Variants in HTR2A observed in about 807,000 individuals in gnomAD.
HTR2A encodes 5-HT2 receptor.
In HTR2A, 14 loss-of-function variants were observed where a neutral mutation model predicts 31.0. The observed-to-expected ratio is 0.45, with a 90% confidence interval of 0.30 to 0.71. HTR2A has a LOEUF of 0.71. Among genes scored for constraint, HTR2A ranks in the 30% least tolerant of loss-of-function variants. The pLI is 0.09. For synonymous variants in HTR2A, 209 were observed against 225.2 expected (o/e 0.93, Z 0.64); for missense variants, 442 against 573.3 (o/e 0.77, Z 2.34).
intron 3 of HTR2A, among the ~76,000 whole-genome samples, chr13:46,866,729 C>T (rs144287428): frequency 2.6e-5 from 4 of 152,278 alleles, no homozygotes; most frequent in African/African-American, 9.6e-5. Flanking sequence ...CATAACACAT[C>T]AGAAGGTAAT....
At chr13:46,861,948 T>G (rs904429377) in intron 3 of HTR2A, among the ~76,000 whole-genome samples, 4 of 152,214 alleles carry the variant, frequency 2.6e-5, no homozygotes, top group Admixed American at 2.6e-4. Context: ...GAATATTGGA[T>G]GCACATGGAG....
rs757284317 is a variant in HTR2A, at chr13:46,832,951, A to G, written c.*1886T>C. Reference sequence around the variant, plus strand: ...AGTGTTATAATATCAAGGTGGATTAACTGTTGTTAATCTCTTTTTCTCTTT... The same window carrying G: ...AGTGTTATAATATCAAGGTGGATTAGCTGTTGTTAATCTCTTTTTCTCTTT... On this transcript the variant is annotated 3_prime_UTR_variant, in exon 4 of 4. Coordinates refer to ENST00000542664, the MANE Select transcript of HTR2A (RefSeq NM_000621.5). The G allele has an allele frequency of 9.2e-5, 14 of 152,330 alleles. No homozygotes were observed. Among genetic ancestry groups the G allele is most frequent in the Non-Finnish European group, 1.6e-4 (11 of 68,022 alleles). 9.4% of individuals were successfully genotyped at this position (152,330 alleles called of 1,614,324 possible).
rs762219821 is a variant in HTR2A at position 46,831,763 on chromosome 13, G to T, written c.*3074C>A. The T allele has an allele frequency of 6.6e-6, 1 of 152,214 alleles. No individual in the cohort carries two copies. Among genetic ancestry groups the T allele is most frequent in the Admixed American group, 6.5e-5 (1 of 15,274 alleles). The allele number at this position is 152,214 out of a possible 1,614,324, so 9.4% of individuals were successfully genotyped here. ...AGTGACTTAGTTCAATTTGGCTACGGTAGCACTTTAAAAAATTACCATGAG... is the reference window on the plus strand; with the variant it reads ...AGTGACTTAGTTCAATTTGGCTACGTTAGCACTTTAAAAAATTACCATGAG... On this transcript the variant is annotated 3_prime_UTR_variant, in exon 4 of 4. Coordinates refer to ENST00000542664, the MANE Select transcript of HTR2A (RefSeq NM_000621.5).
chr13:46,861,703 A>C (rs1164156546), intron 3 of HTR2A, among the ~76,000 whole-genome samples: 1 of 152,240 alleles, frequency 6.6e-6, no homozygotes, highest in Non-Finnish European at 1.5e-5. Flanking sequence ...TGTCAGGACA[A>C]AAGTTTTGAG....
intron 3 of HTR2A, among the ~76,000 whole-genome samples, chr13:46,891,793 G>A (rs1446609144): frequency 6.6e-6 from 1 of 152,158 alleles, no homozygotes; most frequent in African/African-American, 2.4e-5. Flanking sequence ...GATCAATACT[G>A]GCGAGAGATG....
intron 3 of HTR2A, among the ~76,000 whole-genome samples, chr13:46,877,016 C>A (rs1223495249): frequency 6.6e-6 from 1 of 152,182 alleles, no homozygotes; most frequent in Non-Finnish European, 1.5e-5. Context: ...AGAGTGCAAT[C>A]ATCTCTGGAT....
intron 3 of HTR2A, among the ~76,000 whole-genome samples, chr13:46,867,487 G>C (rs1950827127): frequency 6.6e-6 from 1 of 152,200 alleles, no homozygotes; most frequent in South Asian, 2.1e-4. Flanking sequence ...TGGTGCATAT[G>C]TGTATGTAAT....
chr13:46,895,797 G>A lies in HTR2A; in HGVS notation c.110C>T (p.Ala37Val), dbSNP rs1175309453. ...LYSNDFNSGE[A>V]NTSDAFNWTV... is the part of the protein sequence containing the mutation. ...CCAGTTAAATGCATCAGAAGTGTTAGCTTCTCCGGAGTTAAAGTCATTACT... is the reference window on the plus strand; with the variant it reads ...CCAGTTAAATGCATCAGAAGTGTTAACTTCTCCGGAGTTAAAGTCATTACT... The change falls in exon 2 of 4, where the codon GCT (alanine) becomes GTT (valine). Residue 37 changes from alanine (A) to valine (V), a missense_variant. Physicochemically the swap from Ala to Val is moderately conservative, Grantham distance 64 (BLOSUM62 0). Around this residue, in one of 5 missense-constraint regions of HTR2A, gnomAD observed 83 missense variants for 84.8 expected, o/e 0.98. Coordinates refer to ENST00000542664, the MANE Select transcript of HTR2A (RefSeq NM_000621.5). The surrounding 1 kb of genome is among the most constrained non-coding windows in gnomAD (Gnocchi z 4.4). 2.5e-6 allele frequency: 4 copies of A among 1,614,004 alleles called. No individual in the cohort carries two copies. Among genetic ancestry groups the A allele is most frequent in the South Asian group, 2.2e-5 (2 of 91,078 alleles).
chr13:46,859,811 C>T (rs1013065348), intron 3 of HTR2A, among the ~76,000 whole-genome samples: 1 of 152,170 alleles, frequency 6.6e-6, no homozygotes, highest in Non-Finnish European at 1.5e-5. Context: ...TACGGCAATG[C>T]AAGAGTGGAC....
At chr13:46,848,538 T>C (rs1950660431) in intron 3 of HTR2A, among the ~76,000 whole-genome samples, 1 of 152,230 alleles carries the variant, frequency 6.6e-6, no homozygotes, top group South Asian at 2.1e-4. Context: ...ACAGACACTA[T>C]GTAGGTCTTC....
rs573879106 is a variant in HTR2A at position 46,840,950 on chromosome 13, G to A, written c.614-5311C>T. 4.5e-4 allele frequency among the ~76,000 whole-genome samples: 69 copies of A among 152,134 alleles called. 1 individual carries two copies. Among genetic ancestry groups the A allele is most frequent in the Non-Finnish European group, 7.9e-4 (54 of 68,000 alleles). ...GTAATCCTCATAATCCCCACATGTC[G>A]GGACAGGGACCTGGTGGGAGGTGAT... On this transcript the variant is annotated intron_variant, in intron 3 of 3. Transcript: ENST00000542664.
Position 46,835,533 on chromosome 13 carries a change from A to C in HTR2A, c.720T>G (p.Phe240Leu). The C allele has an allele frequency of 1.2e-6, 2 of 1,614,106 alleles. No homozygotes were observed. Among genetic ancestry groups the C allele is most frequent in the Non-Finnish European group, 1.7e-6 (2 of 1,179,970 alleles). The change falls in exon 4 of 4, where the codon TTT (phenylalanine) becomes TTG (leucine). Residue 240 changes from phenylalanine to leucine, a missense_variant. By Grantham distance (22) the Phe-to-Leu change is conservative. Coordinates refer to ENST00000542664, the MANE Select transcript of HTR2A (RefSeq NM_000621.5). ...TGGTTAAGGGAATGAAAAATGACAC[A>C]AAAGAGCCGATCAGGACAAAGTTAT... ...ADDNFVLIGSFVSFFIPLTIM... is the reference protein window; with the variant it reads ...ADDNFVLIGSLVSFFIPLTIM...
At chr13:46,883,871 T>C (rs982910105) in intron 3 of HTR2A, among the ~76,000 whole-genome samples, 18 of 152,178 alleles carry the variant, frequency 1.2e-4, no homozygotes, top group African/African-American at 4.3e-4. Context: ...GAAAACACAA[T>C]GATTTGCAAT....
chr13:46,833,379 T>G lies in HTR2A; in HGVS notation c.*1458A>C, dbSNP rs1188513694. 6.6e-6 allele frequency: 1 copy of G among 151,272 alleles called. No homozygotes were observed. The highest frequency in any genetic ancestry group is 1.9e-4 in the East Asian group (1 of 5,182). 9.4% of individuals were successfully genotyped at this position (151,272 alleles called of 1,614,324 possible). On this transcript the variant is annotated 3_prime_UTR_variant, in exon 4 of 4. Transcript: ENST00000542664. ...TTCTTTTTTTCTTTCTTTTTTTTTG[T>G]GATAGGGTCTCACTCTGTTGCCCAG...
At chr13:46,851,335 C>G (rs375904936) in intron 3 of HTR2A, among the ~76,000 whole-genome samples, 1 of 152,056 alleles carries the variant, frequency 6.6e-6, no homozygotes, top group Admixed American at 6.5e-5. Context: ...TAAGAAAATG[C>G]AGGAAAAAGA....
At chr13:46,858,846 C>A (rs1950758677) in intron 3 of HTR2A, among the ~76,000 whole-genome samples, 1 of 152,060 alleles carries the variant, frequency 6.6e-6, no homozygotes, top group Non-Finnish European at 1.5e-5. Flanking sequence ...ATGGGCACTA[C>A]CCATCTCAGA....
intron 3 of HTR2A, among the ~76,000 whole-genome samples, chr13:46,877,825 C>T (rs1950927408): frequency 6.6e-6 from 1 of 151,674 alleles, no homozygotes; most frequent in Non-Finnish European, 1.5e-5. Flanking sequence ...GAGGTGATGC[C>T]AAAATCATAG....
rs544505018 is a variant in HTR2A, at chr13:46,834,685, G to A, written c.*152C>T. The A allele has an allele frequency of 7.3e-5, 44 of 601,336 alleles. No homozygotes were observed. Among genetic ancestry groups the A allele is most frequent in the Non-Finnish European group, 1.0e-4 (35 of 350,000 alleles). 37.3% of individuals were successfully genotyped at this position (601,336 alleles called of 1,614,324 possible). On this transcript the variant is annotated 3_prime_UTR_variant, in exon 4 of 4. Transcript: ENST00000542664. ...CACACATTTTGTAGCATTGAACCCC[G>A]CTTTTCATTGACAGAATAAAATGAG...
In HTR2A at chr13:46,886,958, C is replaced by T. The variant is rs377111437; in HGVS notation, c.613+5432G>A. 3.3e-5 allele frequency among the ~76,000 whole-genome samples: 5 copies of T among 152,318 alleles called. No homozygotes were observed. The East Asian group carries it at 9.6e-4, about 29-fold the overall frequency. On this transcript the variant is annotated intron_variant, in intron 3 of 3. Transcript: ENST00000542664. The stretch of plus-strand genomic sequence containing the variant: ...GGTATAAAGGCAAACTAGAAATAGA[C>T]TGGCTTTTATAAGAACCTTGCCTTA...
Sources: allele counts gnomAD v4.1 joint callset (sites outside exome capture counted in the v4.1 genomes callset), GRCh38; gene constraint gnomAD v4.1.1; regional missense constraint gnomAD v4.1.1; non-coding constraint Gnocchi (gnomAD v3.1); transcripts MANE v1.5; gene names NCBI Gene and HGNC (gene_info 2026-07-23, HGNC 2026-07-21).